Variants in HPS3 observed in about 807,000 individuals in gnomAD.
HPS3 encodes BLOC-2 complex member HPS3.
Under a neutral mutation model 110.9 loss-of-function variants are expected in HPS3, and 79 were observed. That is an observed-to-expected ratio of 0.71 (90% CI 0.59 to 0.86). The LOEUF is 0.86. Among genes scored for constraint, HPS3 ranks in the 40% least tolerant of loss-of-function variants. HPS3 has a pLI of 0.00. For missense variants in HPS3, 1,197 were observed against 1,206.2 expected (o/e 0.99, Z 0.11); for synonymous variants, 428 against 451.0 (o/e 0.95, Z 0.65).
In HPS3 at chr3:149,141,133, A is replaced by G. The variant is rs369702803; in HGVS notation, c.829A>G (p.Thr277Ala). 2 of 1,613,486 alleles carry G rather than the reference A, an allele frequency of 1.2e-6. No individual in the cohort carries two copies. Among genetic ancestry groups the G allele is most frequent in the Non-Finnish European group, 1.7e-6 (2 of 1,179,908 alleles). The change falls in exon 3 of 17, where the codon ACG (threonine) becomes GCG (alanine). Residue 277 changes from threonine to alanine, a missense_variant. Thr to Ala is a moderately conservative substitution (Grantham distance 58). Transcript: ENST00000296051. Reference protein sequence around the residue: ...QSGLSVTLESTGLADEKRKYS... With the variant: ...QSGLSVTLESAGLADEKRKYS... ...TGGATTATCTGTTACACTGGAGTCT[A>G]CGGGATTAGCTGATGAAAAAAGAAA...
intron 6 of HPS3, among the ~76,000 whole-genome samples, chr3:149,151,732 A>G (rs1723140944): frequency 6.6e-6 from 1 of 150,618 alleles, no homozygotes; most frequent in African/African-American, 2.4e-5. Context: ...GATCTATGTT[A>G]TTTTACTTCT....
chr3:149,141,531 GTTTTTTTTTT>G (rs10718838), intron 4 of HPS3, 151 bp downstream of exon 4: 5 of 380,802 alleles, frequency 1.3e-5, no homozygotes, highest in Middle Eastern at 9.0e-4. Context: ...TTTTTTTTTT[GTTTTTTTTTT>G]TTTTTTTTTT....
rs1418310309 is a variant in HPS3, at chr3:149,172,273, A to T, written c.*51A>T. 1 of 1,522,278 alleles carries T rather than the reference A, an allele frequency of 6.6e-7. No homozygotes were observed. The highest frequency in any genetic ancestry group is 9.0e-7 in the Non-Finnish European group (1 of 1,106,066). The allele number at this position is 1,522,278 out of a possible 1,614,324, so 94.3% of individuals were successfully genotyped here. On this transcript the variant is annotated 3_prime_UTR_variant, in exon 17 of 17. Transcript: ENST00000296051. ...TGGCATTTGAGACTGAATTTCTAAA[A>T]ATTGAATGCCAAAGTACAAGTAGAG...
chr3:149,163,795 G>A, intron 13 of HPS3, 47 bp from the exon 14 acceptor site: 1 of 1,031,286 alleles, frequency 9.7e-7, no homozygotes, highest in Non-Finnish European at 1.5e-6. Context: ...GGATAAGCAA[G>A]CTTTTGTTGT....
rs113015797 is a variant in HPS3 at position 149,172,318 on chromosome 3, TCACA to T, written c.*131_*134del. On this transcript the variant is annotated 3_prime_UTR_variant, in exon 17 of 17. Coordinates refer to ENST00000296051, the MANE Select transcript of HPS3 (RefSeq NM_032383.5). ...GTAGAGGAGTTTTTTATTTTATATA[TCACA>T]CACACACACACACACACACACACAC... 5.4e-3 allele frequency: 3,052 copies of T among 568,656 alleles called. 6 individuals carry two copies. The highest frequency in any genetic ancestry group is 0.015 in the Middle Eastern group (30 of 2,016). The allele number at this position is 568,656 out of a possible 1,614,324, so 35.2% of individuals were successfully genotyped here.
chr3:149,163,547 C>T (rs1724102341), intron 13 of HPS3, among the ~76,000 whole-genome samples: 1 of 152,046 alleles, frequency 6.6e-6, no homozygotes, highest in African/African-American at 2.4e-5. Flanking sequence ...AAATTATTTC[C>T]AATATTCTTT....
chr3:149,166,614 G>A (rs1426113141), intron 14 of HPS3, among the ~76,000 whole-genome samples: 1 of 152,050 alleles, frequency 6.6e-6, no homozygotes, highest in African/African-American at 2.4e-5. Flanking sequence ...TGTGCCATAT[G>A]TATTTACTCA....
intron 4 of HPS3, among the ~76,000 whole-genome samples, chr3:149,144,629 C>T (rs974602229): frequency 6.6e-6 from 1 of 152,120 alleles, no homozygotes; most frequent in African/African-American, 2.4e-5. Flanking sequence ...TTCCAACAAT[C>T]TGAATTTTGC....
chr3:149,160,482 A>T (rs775555780), intron 11 of HPS3, among the ~76,000 whole-genome samples: 52 of 152,250 alleles, frequency 3.4e-4, no homozygotes, highest in Non-Finnish European at 6.3e-4. Context: ...ACAGCAGTGG[A>T]TATACAAAGA....
Position 149,150,602 on chromosome 3 carries a change from CA to C in HPS3, c.1169del (p.Asn390ThrfsTer25), listed in dbSNP as rs2108146990. The C allele has an allele frequency of 6.2e-7, 1 of 1,613,888 alleles. No individual in the cohort carries two copies. The highest frequency in any genetic ancestry group is 8.5e-7 in the Non-Finnish European group (1 of 1,179,786). ...CAGCCTGTGTCTTCCTCCTCAGTAA[CA>C]ACCTGCAGTGTTTCACTGTGCGGTG... ...PQFLHVITSN[N>X]LQCFTVRCSA... On this transcript the variant is annotated frameshift_variant, in exon 6 of 17. Coordinates refer to ENST00000296051, the MANE Select transcript of HPS3 (RefSeq NM_032383.5). LOFTEE classifies it high-confidence loss of function.
chr3:149,148,885 T>A (rs534068776), intron 5 of HPS3, among the ~76,000 whole-genome samples: 1 of 152,012 alleles, frequency 6.6e-6, no homozygotes, highest in African/African-American at 2.4e-5. Flanking sequence ...CATTTCTGCT[T>A]AGGATTCCAA....
intron 1 of HPS3, among the ~76,000 whole-genome samples, chr3:149,139,049 A>C (rs1722282208): frequency 6.6e-6 from 1 of 152,200 alleles, no homozygotes; most frequent in Non-Finnish European, 1.5e-5. Context: ...CCCCCAGTAA[A>C]TAAATATATA....
chr3:149,132,956 G>A (rs563899576), intron 1 of HPS3, among the ~76,000 whole-genome samples: 1 of 152,360 alleles, frequency 6.6e-6, no homozygotes, highest in Admixed American at 6.5e-5. Flanking sequence ...AGAATTGGAA[G>A]TGGAGCCTGA....
intron 1 of HPS3, among the ~76,000 whole-genome samples, chr3:149,134,602 C>CAG (rs1282719555): frequency 1.3e-5 from 2 of 152,162 alleles, no homozygotes; most frequent in Non-Finnish European, 2.9e-5. Context: ...GCCAAACCCT[C>CAG]AGAGATACAG....
chr3:149,162,492 A>G (rs763855328), intron 12 of HPS3, 159 bp downstream of exon 12: 1 of 893,978 alleles, frequency 1.1e-6, no homozygotes, highest in African/African-American at 1.7e-5. Context: ...AAAAGACTAT[A>G]TCTGTAGAAA....
At chr3:149,165,735 T>C (rs1456135157) in intron 14 of HPS3, among the ~76,000 whole-genome samples, 1 of 152,198 alleles carries the variant, frequency 6.6e-6, no homozygotes, top group Non-Finnish European at 1.5e-5. Context: ...CATAATTTGG[T>C]ACACATGCTT....
intron 4 of HPS3, among the ~76,000 whole-genome samples, chr3:149,143,541 A>C (rs1722611113): frequency 6.6e-6 from 1 of 152,186 alleles, no homozygotes. Flanking sequence ...GTATCCCTAG[A>C]ATCTGGAACA....
At chr3:149,141,547 T>G (rs1421148805) in intron 4 of HPS3, among the ~76,000 whole-genome samples, 167 bp downstream of exon 4, 1 of 150,058 alleles carries the variant, frequency 6.7e-6, no homozygotes, top group African/African-American at 2.5e-5. Flanking sequence ...TTTTTTTTTT[T>G]TTTTTGAGAC....
intron 1 of HPS3, among the ~76,000 whole-genome samples, chr3:149,138,307 G>A (rs1469399517): frequency 6.6e-6 from 1 of 152,182 alleles, no homozygotes; most frequent in African/African-American, 2.4e-5. Context: ...TACATGGGAA[G>A]TCAATGTAAT....
Sources: allele counts gnomAD v4.1 joint callset (sites outside exome capture counted in the v4.1 genomes callset), GRCh38; gene constraint gnomAD v4.1.1; transcripts MANE v1.5; gene names NCBI Gene and HGNC (gene_info 2026-07-23, HGNC 2026-07-21).